AMPH: variants seen among roughly 807,000 people sequenced by gnomAD.
AMPH encodes the protein amphiphysin.
AMPH carries 49 observed loss-of-function variants against 99.1 expected under a neutral mutation model. That is an observed-to-expected ratio of 0.49 (90% CI 0.39 to 0.63). The LOEUF is 0.63. AMPH is among the 20% of genes least tolerant of loss of function. The probability of loss-of-function intolerance (pLI) is 0.00; values close to 1 mark genes in which losing one functional copy is unlikely to be tolerated. For synonymous variants in AMPH, 314 were observed against 317.3 expected (o/e 0.99, Z 0.11); for missense variants, 759 against 863.4 (o/e 0.88, Z 1.52).
chr7:38,614,945 C>T (rs1038939017), intron 1 of AMPH, among the ~76,000 whole-genome samples: 6 of 152,026 alleles, frequency 3.9e-5, no homozygotes, highest in African/African-American at 7.3e-5. Flanking sequence ...AAGGTCCCAG[C>T]GATATAAGTA....
intron 20 of AMPH, among the ~76,000 whole-genome samples, chr7:38,387,488 G>C (rs1229000868): frequency 6.6e-6 from 1 of 152,114 alleles, no homozygotes; most frequent in Non-Finnish European, 1.5e-5. Context: ...TCTAATATCT[G>C]AGATGAAAAA....
At chr7:38,580,478 C>T (rs1173191438) in intron 1 of AMPH, among the ~76,000 whole-genome samples, 1 of 152,132 alleles carries the variant, frequency 6.6e-6, no homozygotes, top group Admixed American at 6.6e-5. Flanking sequence ...ACCCCTGTGG[C>T]CCACTCTCCA....
At chr7:38,523,107 TAAAAAA>T (rs60807450) in intron 2 of AMPH, among the ~76,000 whole-genome samples, 1 of 132,720 alleles carries the variant, frequency 7.5e-6, no homozygotes, top group Non-Finnish European at 1.6e-5. Flanking sequence ...AAACTCTGTC[TAAAAAA>T]AAAAAAAAAG....
intron 1 of AMPH, among the ~76,000 whole-genome samples, chr7:38,593,460 T>C (rs530643608): frequency 6.6e-6 from 1 of 152,350 alleles, no homozygotes; most frequent in East Asian, 1.9e-4. Flanking sequence ...ACAAGCAGCG[T>C]TCCTGAGTGG....
intron 11 of AMPH, among the ~76,000 whole-genome samples, chr7:38,451,027 G>C (rs1387277635): frequency 6.6e-6 from 1 of 151,616 alleles, no homozygotes; most frequent in Non-Finnish European, 1.5e-5. Flanking sequence ...TGAGCAGCTG[G>C]GACTACAGAC....
Position 38,436,276 on chromosome 7 carries a change from G to T in AMPH, c.1130C>A (p.Ser377Tyr). The change falls in exon 12 of 21, where the codon TCT becomes TAT. Residue 377 changes from serine (S) to tyrosine (Y), a missense_variant. This residue lies in a region of AMPH where 554 missense variants were observed against 575.6 expected (regional missense o/e 0.96). Coordinates refer to ENST00000356264, the MANE Select transcript of AMPH (RefSeq NM_001635.4). ...CATCCAAAAAGCACCTGATACCTGA[G>T]ACATGGGTGAGTGGGTCACTCCAGC... The part of the protein sequence containing the change: ...GSAGVTHSPM[S>Y]QTLPWDLWTT... The T allele has an allele frequency of 6.2e-7, 1 of 1,613,116 alleles. No individual in the cohort carries two copies. The highest frequency in any genetic ancestry group is 8.5e-7 in the Non-Finnish European group (1 of 1,179,078).
At chr7:38,422,672 G>A (rs984597336) in intron 15 of AMPH, among the ~76,000 whole-genome samples, 195 bp from the exon 16 acceptor site, 1 of 151,864 alleles carries the variant, frequency 6.6e-6, no homozygotes, top group Non-Finnish European at 1.5e-5. Flanking sequence ...CCCCAGGCTG[G>A]AGTATAGTGG....
chr7:38,588,370 G>A (rs1792741290), intron 1 of AMPH, among the ~76,000 whole-genome samples: 1 of 151,944 alleles, frequency 6.6e-6, no homozygotes. Context: ...ATACATAGTG[G>A]GGATCCATAT....
At chr7:38,550,916 C>T (rs1440368648) in intron 1 of AMPH, among the ~76,000 whole-genome samples, 1 of 152,072 alleles carries the variant, frequency 6.6e-6, no homozygotes, top group Admixed American at 6.6e-5. Flanking sequence ...ACATTTTTGT[C>T]GTAAAAATGT....
chr7:38,446,242 G>A (rs772066015), intron 11 of AMPH, among the ~76,000 whole-genome samples: 3 of 152,224 alleles, frequency 2.0e-5, no homozygotes, highest in Non-Finnish European at 4.4e-5. Context: ...AAACACTTCA[G>A]AAAATCTGTC....
At chr7:38,415,737 CATTGTTACTATT>C (rs1785361684) in intron 17 of AMPH, among the ~76,000 whole-genome samples, 1 of 151,916 alleles carries the variant, frequency 6.6e-6, no homozygotes, top group Non-Finnish European at 1.5e-5. Context: ...TCTTAGTTAA[CATTGTTACTATT>C]ATTTTTCAGT....
chr7:38,426,874 G>T, intron 15 of AMPH, 80 bp downstream of exon 15: 1 of 1,306,210 alleles, frequency 7.7e-7, no homozygotes, highest in Non-Finnish European at 1.1e-6. Context: ...CTATACTAGT[G>T]GCACAGAGAA....
intron 2 of AMPH, among the ~76,000 whole-genome samples, chr7:38,507,499 A>AGTT (rs1367952265): frequency 6.6e-6 from 1 of 152,238 alleles, no homozygotes; most frequent in East Asian, 1.9e-4. Context: ...GCCATAAAGT[A>AGTT]GTTTCTCCTG....
intron 17 of AMPH, among the ~76,000 whole-genome samples, chr7:38,412,595 G>A (rs1039348271): frequency 2.0e-5 from 3 of 152,170 alleles, no homozygotes; most frequent in Admixed American, 6.5e-5. Context: ...GAGGTTGGGG[G>A]AACTGATCAC....
intron 17 of AMPH, among the ~76,000 whole-genome samples, chr7:38,416,127 T>TATA (rs1249879361): frequency 3.0e-5 from 2 of 66,470 alleles, no homozygotes; most frequent in African/African-American, 1.1e-4. Flanking sequence ...ATATATATAT[T>TATA]AGCTATTACA....
intron 1 of AMPH, among the ~76,000 whole-genome samples, chr7:38,615,812 G>A (rs1028163785): frequency 6.6e-6 from 1 of 152,148 alleles, no homozygotes; most frequent in East Asian, 1.9e-4. Context: ...GACACAGCAG[G>A]TTAGCTACTG....
At chr7:38,574,323 G>T (rs920372672) in intron 1 of AMPH, among the ~76,000 whole-genome samples, 1 of 152,204 alleles carries the variant, frequency 6.6e-6, no homozygotes, top group South Asian at 2.1e-4. Flanking sequence ...CCTCTCCACT[G>T]GAGACTTCTG....
chr7:38,432,412 T>TGAGC (rs1212435791), intron 12 of AMPH, among the ~76,000 whole-genome samples, 200 bp from the exon 13 acceptor site: 1 of 152,198 alleles, frequency 6.6e-6, no homozygotes, highest in Non-Finnish European at 1.5e-5. Flanking sequence ...ATGTGGCTAT[T>TGAGC]GAGCACTTGA....
intron 1 of AMPH, among the ~76,000 whole-genome samples, chr7:38,605,571 C>CTTTTTTTTCTT (rs552634478): frequency 1.4e-5 from 2 of 137,936 alleles, no homozygotes; most frequent in African/African-American, 5.7e-5. Context: ...TTCGTTTTTT[C>CTTTTTTTTCTT]TTTTTCTTTT....
Sources: allele counts gnomAD v4.1 joint callset (sites outside exome capture counted in the v4.1 genomes callset), GRCh38; gene constraint gnomAD v4.1.1; regional missense constraint gnomAD v4.1.1; transcripts MANE v1.5; gene names NCBI Gene and HGNC (gene_info 2026-07-23, HGNC 2026-07-21).